Variants in MYCBPAP observed in about 807,000 individuals in gnomAD.
MYCBPAP encodes MYCBP-associated protein.
A neutral mutation model predicts 106.1 loss-of-function variants in MYCBPAP; 60 were observed. The ratio of observed to expected loss-of-function variants is 0.57; its 90% CI spans 0.46 to 0.70. MYCBPAP has a LOEUF of 0.70. Ranked by LOEUF, MYCBPAP falls within the 30% of genes least tolerant of loss-of-function variation. The pLI is 0.00. For missense variants in MYCBPAP, 1,064 were observed against 1,169.3 expected (o/e 0.91, Z 1.31); for synonymous variants, 407 against 440.6 (o/e 0.92, Z 0.95).
intron 2 of MYCBPAP, 22 bp downstream of exon 2, chr17:50,516,719 C>T (rs369944679): frequency 6.2e-7 from 1 of 1,613,092 alleles, no homozygotes. Flanking sequence ...GCCCAAGCTT[C>T]CCTTACCATA....
At chr17:50,520,013 G>A in intron 7 of MYCBPAP, 1 of 518,924 alleles carries the variant, frequency 1.9e-6, no homozygotes. Context: ...CAGCCATAGA[G>A]CTGCCGTCCA....
At chr17:50,509,469 C>A (rs1356275345) in intron 1 of MYCBPAP, 1 of 250,204 alleles carries the variant, frequency 4.0e-6, no homozygotes, top group African/African-American at 2.2e-5. Context: ...TGCAACCCAC[C>A]CCCTTTTGAT....
chr17:50,512,059 T>C (rs2033872294), intron 1 of MYCBPAP, among the ~76,000 whole-genome samples: 1 of 150,572 alleles, frequency 6.6e-6, no homozygotes. Flanking sequence ...TTTTCTTTTT[T>C]TTTTTTTTTT....
intron 1 of MYCBPAP, chr17:50,510,491 G>GTCTATATA (rs1470026068): frequency 8.8e-6 from 1 of 113,820 alleles, no homozygotes; most frequent in African/African-American, 3.1e-5. Flanking sequence ...GTGTGTGTGT[G>GTCTATATA]TGTGTGTGTA....
At chr17:50,519,842 G>A in intron 7 of MYCBPAP, 55 bp downstream of exon 7, 1 of 1,575,098 alleles carries the variant, frequency 6.3e-7, no homozygotes, top group Non-Finnish European at 8.6e-7. Context: ...CGGAGGCAGG[G>A]TAGTGTGGAA....
At chr17:50,517,205 T>G in intron 2 of MYCBPAP, 88 bp from the exon 3 acceptor site, 1 of 1,271,422 alleles carries the variant, frequency 7.9e-7, no homozygotes, top group Non-Finnish European at 1.1e-6. Context: ...CTTCAGGAAC[T>G]CCACCCAGAA....
chr17:50,528,357 C>A, intron 16 of MYCBPAP, 87 bp downstream of exon 16: 1 of 1,161,172 alleles, frequency 8.6e-7, no homozygotes, highest in Non-Finnish European at 1.3e-6. Flanking sequence ...GCCAGTCATA[C>A]TCCTTTGGTG....
At chr17:50,527,136 G>A (rs1343880253) in intron 14 of MYCBPAP, 151 bp from the exon 15 acceptor site, 2 of 1,067,216 alleles carry the variant, frequency 1.9e-6, no homozygotes, top group Non-Finnish European at 2.7e-6. Flanking sequence ...GGGGGTCCCT[G>A]GCTCCCACCA....
chr17:50,517,064 T>C (rs1184493483), intron 2 of MYCBPAP, among the ~76,000 whole-genome samples: 1 of 152,172 alleles, frequency 6.6e-6, no homozygotes, highest in Non-Finnish European at 1.5e-5. Flanking sequence ...CAGCCATCTC[T>C]CACCCAAACT....
In MYCBPAP at chr17:50,528,810, C is replaced by A; in HGVS notation, c.2523C>A (p.Asp841Glu). Residue 841 changes from aspartate (D) to glutamate (E), a missense_variant, in exon 17 of 19, where the codon GAC (aspartate) becomes GAA (glutamate). By Grantham distance (45) the Asp-to-Glu change is conservative (BLOSUM62 2). Coordinates refer to ENST00000323776, the MANE Select transcript of MYCBPAP (RefSeq NM_032133.6). ...AACTGGGGATCAAAGACAAAGAAGA[C>A]AAGAAAGGAGCCAAGCTGCTCGGGA... ...KKQLGIKDKE[D>E]KKGAKLLGKE... is the part of the protein sequence containing the mutation. 1.2e-6 allele frequency: 2 copies of A among 1,613,712 alleles called. No individual in the cohort carries two copies. Among genetic ancestry groups the A allele is most frequent in the Non-Finnish European group, 1.7e-6 (2 of 1,180,000 alleles).
chr17:50,523,567 T>C lies in MYCBPAP; in HGVS notation c.1448-30T>C, dbSNP rs755563526. 4 of 1,612,366 alleles carry C rather than the reference T, an allele frequency of 2.5e-6. No homozygotes were observed. In the East Asian group the frequency reaches 8.9e-5, roughly 36 times the overall value. ...CTGGGGCTCAGCCAGCTCCTGCATGTTGAAAACCTCGGGTCTCTGTCCCTC... is the reference window on the plus strand; with the variant it reads ...CTGGGGCTCAGCCAGCTCCTGCATGCTGAAAACCTCGGGTCTCTGTCCCTC... On this transcript the variant is annotated intron_variant, in intron 11 of 18. Transcript: ENST00000323776.
intron 18 of MYCBPAP, chr17:50,529,905 C>T (rs2034580097): frequency 9.0e-6 from 4 of 446,052 alleles, no homozygotes; most frequent in South Asian, 3.1e-5. Context: ...CCAGGTTTTC[C>T]GTTTTGTTTG....
At chr17:50,518,470 C>G (rs898617232) in intron 4 of MYCBPAP, 71 bp from the exon 5 acceptor site, 48 of 1,387,280 alleles carry the variant, frequency 3.5e-5, no homozygotes, top group Non-Finnish European at 4.5e-5. Context: ...GTTTAGGCCT[C>G]GGGAAATGTG....
intron 4 of MYCBPAP, among the ~76,000 whole-genome samples, chr17:50,518,249 T>C (rs1418526543): frequency 6.6e-6 from 1 of 152,258 alleles, no homozygotes; most frequent in Non-Finnish European, 1.5e-5. Flanking sequence ...TGCTTCCATT[T>C]ACACATGGGT....
intron 17 of MYCBPAP, 51 bp downstream of exon 17, chr17:50,528,891 G>A (rs766277590): frequency 1.1e-5 from 17 of 1,605,486 alleles, no homozygotes; most frequent in Admixed American, 6.7e-5. Context: ...GGGATTGGAG[G>A]GGCTGCGGAG....
rs141297155 is a variant in MYCBPAP at position 50,518,940 on chromosome 17, G to A, written c.653-34G>A. 4,473 of 1,594,464 alleles carry A rather than the reference G, an allele frequency of 2.8e-3. 64 individuals carry two copies. In the East Asian group the frequency reaches 0.043, roughly 15 times the overall value. ...CCAAGGCCCCTGTTTGTTCTGGTTC[G>A]GCAGAGTGGCGGCAATCTTGCCTCT... On this transcript the variant is annotated intron_variant, in intron 5 of 18. Coordinates refer to ENST00000323776, the MANE Select transcript of MYCBPAP (RefSeq NM_032133.6).
At chr17:50,516,961 C>G (rs1347213566) in intron 2 of MYCBPAP, among the ~76,000 whole-genome samples, 1 of 152,148 alleles carries the variant, frequency 6.6e-6, no homozygotes, top group East Asian at 1.9e-4. Context: ...GCCATCATTC[C>G]CATTTCACAG....
At chr17:50,527,716 A>G (rs1014330259) in intron 15 of MYCBPAP, among the ~76,000 whole-genome samples, 2 of 152,126 alleles carry the variant, frequency 1.3e-5, no homozygotes, top group African/African-American at 4.8e-5. Flanking sequence ...GATTCCAATA[A>G]AAGCTTCATT....
intron 14 of MYCBPAP, among the ~76,000 whole-genome samples, chr17:50,527,065 G>T (rs900555462): frequency 6.6e-6 from 1 of 152,184 alleles, no homozygotes; most frequent in African/African-American, 2.4e-5. Context: ...TCCAGGAGGG[G>T]GGCCTACTCT....
Sources: allele counts gnomAD v4.1 joint callset (sites outside exome capture counted in the v4.1 genomes callset), GRCh38; gene constraint gnomAD v4.1.1; transcripts MANE v1.5; gene names NCBI Gene and HGNC (gene_info 2026-07-23, HGNC 2026-07-21).